Variants in HDAC4 observed in about 807,000 individuals in gnomAD.
HDAC4 encodes the protein histone deacetylase A.
A neutral mutation model predicts 135.1 loss-of-function variants in HDAC4; 16 were observed. The ratio of observed to expected loss-of-function variants is 0.12; its 90% CI spans 0.08 to 0.18. HDAC4 has a LOEUF of 0.18. HDAC4 is among the 10% of genes least tolerant of loss of function. HDAC4 has a pLI of 1.00. For synonymous variants in HDAC4, 685 were observed against 653.4 expected (o/e 1.05, Z -0.74); for missense variants, 1,143 against 1,511.8 (o/e 0.76, Z 4.05).
chr2:239,354,875 T>C (rs1693393061), intron 1 of HDAC4, among the ~76,000 whole-genome samples: 1 of 151,894 alleles, frequency 6.6e-6, no homozygotes, highest in African/African-American at 2.4e-5. Flanking sequence ...AAATCTCAGA[T>C]GACAGTATCC....
chr2:239,310,311 A>C (rs2052809690), intron 2 of HDAC4, among the ~76,000 whole-genome samples: 1 of 152,246 alleles, frequency 6.6e-6, no homozygotes, highest in African/African-American at 2.4e-5. Context: ...GCGTCCCTCA[A>C]GCCTGGTCCA....
intron 1 of HDAC4, among the ~76,000 whole-genome samples, chr2:239,383,468 C>T (rs952652263): frequency 4.6e-5 from 7 of 152,164 alleles, no homozygotes; most frequent in African/African-American, 1.7e-4. Flanking sequence ...TGGCAGAGGT[C>T]GGCTTCTTAA....
At position 239,366,914 on chromosome 2, in the gene HDAC4, C is replaced by T. The variant is rs143355654; in HGVS notation, c.-219-13996G>A. On this transcript the variant is annotated intron_variant, in intron 1 of 26. Coordinates refer to ENST00000543185, the MANE Select transcript of HDAC4 (RefSeq NM_001378414.1). ...AGACTAAGTAAGGAAAGATCTCTTC[C>T]ACCATAACCACCATGCACCCAAGCA... Among the ~76,000 whole-genome samples the T allele has an allele frequency of 7.6e-4, 113 of 149,076 alleles. 14 individuals are homozygous for T. Among genetic ancestry groups the T allele is most frequent in the African/African-American group, 2.9e-3 (111 of 38,430 alleles).
chr2:239,350,149 AG>A (rs558462363), intron 2 of HDAC4, among the ~76,000 whole-genome samples: 35 of 152,306 alleles, frequency 2.3e-4, no homozygotes, highest in Admixed American at 1.8e-3. Flanking sequence ...AAAGAAACCA[AG>A]GGTAGAAATA....
Position 239,352,012 on chromosome 2 carries a change from G to A in HDAC4, c.22+666C>T, listed in dbSNP as rs1380762507. ...TGCACGCTCTCGGTGACTTTCCAAGGACAGAAAGTGTGAAGTCGTAAATGG... is the reference window on the plus strand; with the variant it reads ...TGCACGCTCTCGGTGACTTTCCAAGAACAGAAAGTGTGAAGTCGTAAATGG... On this transcript the variant is annotated intron_variant, in intron 2 of 26. Coordinates refer to ENST00000543185, the MANE Select transcript of HDAC4 (RefSeq NM_001378414.1). This position sits in a 1 kb window ranked among gnomAD's most constrained non-coding sequence, Gnocchi z 4.4. 6.6e-6 allele frequency among the ~76,000 whole-genome samples: 1 copy of A among 152,136 alleles called. No individual in the cohort carries two copies. The highest frequency in any genetic ancestry group is 2.4e-5 in the African/African-American group (1 of 41,426).
At chr2:239,216,750 C>T (rs1193017080) in intron 3 of HDAC4, among the ~76,000 whole-genome samples, 2 of 152,094 alleles carry the variant, frequency 1.3e-5, no homozygotes, top group Non-Finnish European at 1.5e-5. Context: ...CAGGACTGAC[C>T]GGGAAGGGTG....
At chr2:239,362,014 T>G (rs1328270465) in intron 1 of HDAC4, among the ~76,000 whole-genome samples, 2 of 152,238 alleles carry the variant, frequency 1.3e-5, no homozygotes, top group African/African-American at 4.8e-5. Context: ...CTAACTAAAA[T>G]ACATTCTAAT....
At chr2:239,143,070 G>C (rs1432464550) in intron 8 of HDAC4, among the ~76,000 whole-genome samples, 2 of 152,180 alleles carry the variant, frequency 1.3e-5, no homozygotes, top group Admixed American at 1.3e-4. Flanking sequence ...ATGGTCTCAC[G>C]TGTGATGTGC....
intron 20 of HDAC4, among the ~76,000 whole-genome samples, chr2:239,082,482 A>G (rs181222203): frequency 5.4e-4 from 82 of 152,344 alleles, no homozygotes; most frequent in African/African-American, 1.9e-3. Flanking sequence ...GCGCCATGGC[A>G]CAATCCTGAC....
chr2:239,309,978 G>A lies in HDAC4; in HGVS notation c.22+42700C>T, dbSNP rs367794364. ...CAGCATCAGGCACAAGGCCCAAGGA[G>A]TTTCTCCAGAGCAGCCTGTCCTCTT... is the stretch of plus-strand genomic sequence containing the variant. On this transcript the variant is annotated intron_variant, in intron 2 of 26. Coordinates refer to ENST00000543185, the MANE Select transcript of HDAC4 (RefSeq NM_001378414.1). This position sits in a 1 kb window ranked among gnomAD's most constrained non-coding sequence, Gnocchi z 4.2. 3.7e-4 allele frequency among the ~76,000 whole-genome samples: 57 copies of A among 152,344 alleles called. No homozygotes were observed. The highest frequency in any genetic ancestry group is 1.3e-3 in the African/African-American group (55 of 41,586).
At chr2:239,310,734 C>G (rs1282546862) in intron 2 of HDAC4, among the ~76,000 whole-genome samples, 2 of 152,182 alleles carry the variant, frequency 1.3e-5, no homozygotes, top group Non-Finnish European at 2.9e-5. Flanking sequence ...CAAGCAGACC[C>G]AAAACTGGGT....
At chr2:239,269,705 G>A (rs1184112708) in intron 2 of HDAC4, among the ~76,000 whole-genome samples, 2 of 152,174 alleles carry the variant, frequency 1.3e-5, no homozygotes, top group East Asian at 1.9e-4. Flanking sequence ...CCGGGTCACC[G>A]TGTGTTCAGA....
At chr2:239,133,325 A>C (rs569903654) in intron 11 of HDAC4, among the ~76,000 whole-genome samples, 3 of 152,308 alleles carry the variant, frequency 2.0e-5, no homozygotes, top group African/African-American at 7.2e-5. Flanking sequence ...GTTTTCACCA[A>C]GTTCACTGCC....
intron 1 of HDAC4, among the ~76,000 whole-genome samples, chr2:239,395,857 T>C (rs1179508308): frequency 1.3e-5 from 2 of 152,264 alleles, no homozygotes; most frequent in African/African-American, 4.8e-5. Context: ...TTCCTTAGAA[T>C]AGATTTCAAA....
chr2:239,067,207 G>C (rs2033621322), intron 23 of HDAC4, among the ~76,000 whole-genome samples: 1 of 152,216 alleles, frequency 6.6e-6, no homozygotes, highest in South Asian at 2.1e-4. Context: ...GCGGGCTCTG[G>C]TTATCTGACA....
intron 17 of HDAC4, among the ~76,000 whole-genome samples, chr2:239,092,796 G>A (rs1359278579): frequency 2.0e-5 from 3 of 152,188 alleles, no homozygotes; most frequent in Non-Finnish European, 4.4e-5. Flanking sequence ...CAGGGCAGGC[G>A]GCCGCAACTG....
intron 7 of HDAC4, among the ~76,000 whole-genome samples, chr2:239,152,251 C>T (rs1448712294): frequency 6.6e-6 from 1 of 152,224 alleles, no homozygotes; most frequent in African/African-American, 2.4e-5. Flanking sequence ...CCATCTGACA[C>T]CCACACAGTG....
intron 11 of HDAC4, among the ~76,000 whole-genome samples, chr2:239,129,090 G>T: frequency 6.6e-6 from 1 of 152,164 alleles, no homozygotes; most frequent in Non-Finnish European, 1.5e-5. Context: ...GACCGGCCCT[G>T]TTCCTTTTCC....
At chr2:239,145,832 T>G (rs1273392169) in intron 7 of HDAC4, among the ~76,000 whole-genome samples, 2 of 152,228 alleles carry the variant, frequency 1.3e-5, no homozygotes. Flanking sequence ...CTGATGTGGC[T>G]GGGCGATGGG....
Sources: gnomAD v4.1 joint callset for allele counts (sites outside exome capture counted in the v4.1 genomes callset) on GRCh38, gnomAD v4.1.1 for gene constraint, Gnocchi (gnomAD v3.1) non-coding constraint, MANE v1.5 for transcripts, NCBI Gene and HGNC (gene_info 2026-07-23, HGNC 2026-07-21) for gene names.